PMFBP1: variants seen among roughly 807,000 people sequenced by gnomAD.
PMFBP1 encodes the protein polyamine modulated factor 1 binding protein 1.
In PMFBP1, 131 loss-of-function variants were observed where a neutral mutation model predicts 137.8. The observed-to-expected ratio is 0.95, with a 90% CI of 0.82 to 1.10. PMFBP1 has a LOEUF of 1.10. PMFBP1 is among the 50% of genes least tolerant of loss of function. The probability of loss-of-function intolerance (pLI) is 0.00; values close to 1 mark genes in which losing one functional copy is unlikely to be tolerated. For missense variants in PMFBP1, 1,199 were observed against 1,175.4 expected, an observed-to-expected ratio of 1.02 and a Z score of -0.29; for synonymous variants, 490 against 450.4, an observed-to-expected ratio of 1.09 and a Z score of -1.11.
the PMFBP1 span, among the ~76,000 whole-genome samples, chr16:72,217,383 T>G: frequency 2.0e-5 from 3 of 152,154 alleles, no homozygotes; most frequent in Non-Finnish European, 4.4e-5. Context: ...GTTGTTTTTA[T>G]GTATGACACA....
chr16:72,173,200 C>G (rs754449256), upstream of PMFBP1, among the ~76,000 whole-genome samples: 3 of 152,184 alleles, frequency 2.0e-5, no homozygotes, highest in Non-Finnish European at 4.4e-5. Context: ...TCTTTCCTAG[C>G]TTTAAAGTTC....
At chr16:72,139,781 G>T (rs888770932) in intron 6 of PMFBP1, among the ~76,000 whole-genome samples, 1 of 152,140 alleles carries the variant, frequency 6.6e-6, no homozygotes, top group African/African-American at 2.4e-5. Flanking sequence ...GTGTAATTGT[G>T]TGTGTAATTT....
chr16:72,177,985 A>T (rs2043264329), upstream of PMFBP1, among the ~76,000 whole-genome samples: 1 of 152,028 alleles, frequency 6.6e-6, no homozygotes, highest in Non-Finnish European at 1.5e-5. Flanking sequence ...TCGACTTCCC[A>T]GGCTCAAGCA....
chr16:72,151,170 GT>G (rs1228235317), intron 4 of PMFBP1, among the ~76,000 whole-genome samples: 11 of 152,160 alleles, frequency 7.2e-5, no homozygotes, highest in African/African-American at 2.7e-4. Context: ...TGAAATGCTG[GT>G]ATTTTTTCCT....
chr16:72,228,005 C>G, the PMFBP1 span, among the ~76,000 whole-genome samples: 1 of 152,142 alleles, frequency 6.6e-6, no homozygotes. Flanking sequence ...GGTAACCTAC[C>G]TGAAATATGT....
At chr16:72,140,828 C>CT (rs2042708367) in intron 5 of PMFBP1, among the ~76,000 whole-genome samples, 3 of 150,770 alleles carry the variant, frequency 2.0e-5, no homozygotes, top group Admixed American at 6.6e-5. Flanking sequence ...CTCAGGTGTC[C>CT]TTTTTGATGA....
the PMFBP1 span, among the ~76,000 whole-genome samples, chr16:72,202,495 C>G: frequency 6.6e-6 from 1 of 152,154 alleles, no homozygotes; most frequent in Non-Finnish European, 1.5e-5. Flanking sequence ...TTTTCTCTAA[C>G]CATACTAAGA....
At chr16:72,155,905 C>G (rs1178039314) in intron 3 of PMFBP1, among the ~76,000 whole-genome samples, 1 of 152,086 alleles carries the variant, frequency 6.6e-6, no homozygotes, top group African/African-American at 2.4e-5. Context: ...CTTTCTGCCT[C>G]TATGGATTTT....
chr16:72,184,894 C>G, the PMFBP1 span, among the ~76,000 whole-genome samples: 2 of 152,302 alleles, frequency 1.3e-5, no homozygotes, highest in South Asian at 2.1e-4. Context: ...ATACTACTGC[C>G]CACTCCTCCA....
chr16:72,233,150 A>G, the PMFBP1 span, among the ~76,000 whole-genome samples: 2 of 152,202 alleles, frequency 1.3e-5, no homozygotes, highest in South Asian at 4.1e-4. Context: ...GAACCCCCCC[A>G]ATAGTAAGGG....
rs752783039 is a variant in PMFBP1, at chr16:72,140,412, C to T, written c.807G>A (p.Leu269=). The T allele has an allele frequency of 1.6e-5, 25 of 1,612,556 alleles. No homozygotes were observed. Among genetic ancestry groups the T allele is most frequent in the Non-Finnish European group, 2.0e-5 (24 of 1,178,666 alleles). ...ACATGTTCTAGAAGAAGGCACTTACCAAAGCGTTACTGCAGGCCAGCTTAT... is the reference window on the plus strand; with the variant it reads ...ACATGTTCTAGAAGAAGGCACTTACTAAAGCGTTACTGCAGGCCAGCTTAT... ...LRNKLACSNA[L]VLEREKALIK... Residue 269 remains leucine, a splice_region_variant and synonymous_variant, in exon 6 of 21, where the codon TTG becomes TTA. Transcript: ENST00000237353.
chr16:72,151,627 T>A (rs1426514392), intron 4 of PMFBP1, among the ~76,000 whole-genome samples: 1 of 152,212 alleles, frequency 6.6e-6, no homozygotes, highest in Non-Finnish European at 1.5e-5. Flanking sequence ...ATAGAACATG[T>A]TCCATTAGTT....
the PMFBP1 span, among the ~76,000 whole-genome samples, chr16:72,222,885 TA>T: frequency 6.6e-6 from 1 of 152,184 alleles, no homozygotes; most frequent in African/African-American, 2.4e-5. Flanking sequence ...AGTTGACTCT[TA>T]AAGGAGCAGT....
chr16:72,144,511 G>A (rs568375393), intron 5 of PMFBP1, among the ~76,000 whole-genome samples: 5 of 152,278 alleles, frequency 3.3e-5, no homozygotes, highest in South Asian at 2.1e-4. Context: ...CTGAACCAGT[G>A]TGGAAGGCTT....
At chr16:72,166,911 T>C (rs1048871730) in intron 2 of PMFBP1, among the ~76,000 whole-genome samples, 30 of 152,184 alleles carry the variant, frequency 2.0e-4, no homozygotes, top group Non-Finnish European at 4.4e-4. Flanking sequence ...AGACAGGGGA[T>C]AGGTGCATGG....
chr16:72,130,879 T>C (rs982843757), intron 10 of PMFBP1, among the ~76,000 whole-genome samples, 157 bp from the exon 11 acceptor site: 1 of 152,152 alleles, frequency 6.6e-6, no homozygotes, highest in Non-Finnish European at 1.5e-5. Flanking sequence ...CCTAAAGAGC[T>C]CTATTAAATT....
the PMFBP1 span, among the ~76,000 whole-genome samples, chr16:72,223,216 C>T: frequency 2.0e-5 from 3 of 152,128 alleles, no homozygotes; most frequent in African/African-American, 4.8e-5. Context: ...GTCACAGCAC[C>T]GAATTTCCAT....
the PMFBP1 span, among the ~76,000 whole-genome samples, chr16:72,248,418 G>A: frequency 6.6e-6 from 1 of 152,116 alleles, no homozygotes; most frequent in African/African-American, 2.4e-5. Flanking sequence ...CAATGATATG[G>A]ACCTGGGATA....
At position 72,136,687 on chromosome 16, in the gene PMFBP1, G is replaced by T; in HGVS notation, c.1045+6C>A. On this transcript the variant is annotated splice_donor_region_variant and intron_variant, in intron 8 of 20. Transcript: ENST00000237353. ...TCCCCTGCCACAGCCTGCAGCCCCAGTTTACCCTTCATGATGTTTCTCTTC... is the reference window on the plus strand; with the variant it reads ...TCCCCTGCCACAGCCTGCAGCCCCATTTTACCCTTCATGATGTTTCTCTTC... 1 of 1,614,094 alleles carries T rather than the reference G, an allele frequency of 6.2e-7. No homozygotes were observed. The highest frequency in any genetic ancestry group is 8.5e-7 in the Non-Finnish European group (1 of 1,180,014).
Sources: allele counts gnomAD v4.1 joint callset (sites outside exome capture counted in the v4.1 genomes callset), GRCh38; gene constraint gnomAD v4.1.1; transcripts MANE v1.5; gene names NCBI Gene and HGNC (gene_info 2026-07-23, HGNC 2026-07-21).